PCDH15: variants seen among roughly 807,000 people sequenced by gnomAD.
PCDH15 encodes protocadherin related 15.
In PCDH15, 129 loss-of-function variants were observed where a neutral mutation model predicts 178.5. The observed-to-expected ratio is 0.72, with a 90% CI of 0.63 to 0.84. The LOEUF is 0.84. PCDH15 is among the 40% of genes least tolerant of loss of function. PCDH15 has a pLI of 0.00. For missense variants in PCDH15, 2,230 were observed against 2,099.9 expected (o/e 1.06, Z -1.21); for synonymous variants, 800 against 732.0 (o/e 1.09, Z -1.50).
chr10:54,178,375 T>C (rs1300152059), intron 13 of PCDH15, among the ~76,000 whole-genome samples: 2 of 152,026 alleles, frequency 1.3e-5, no homozygotes, highest in African/African-American at 4.8e-5. Flanking sequence ...ATAAGGAAAA[T>C]AATCAGAGTG....
chr10:54,979,919 T>C (rs924540276), intron 2 of PCDH15, among the ~76,000 whole-genome samples: 15 of 152,096 alleles, frequency 9.9e-5, no homozygotes, highest in Non-Finnish European at 1.8e-4. Context: ...ATATATAAAA[T>C]TGTAGAATTG....
At chr10:55,412,400 C>T (rs1838360311) in intron 2 of PCDH15, among the ~76,000 whole-genome samples, 1 of 151,868 alleles carries the variant, frequency 6.6e-6, no homozygotes, top group African/African-American at 2.4e-5. Flanking sequence ...AGAAACTGTA[C>T]CTAGAATGCT....
At chr10:54,922,202 A>G (rs975747449) in intron 2 of PCDH15, among the ~76,000 whole-genome samples, 1 of 152,070 alleles carries the variant, frequency 6.6e-6, no homozygotes, top group East Asian at 2.0e-4. Context: ...AGTCCCCCAA[A>G]GTCTTGACTC....
chr10:54,095,694 G>C (rs919155237), intron 15 of PCDH15, among the ~76,000 whole-genome samples: 1 of 152,070 alleles, frequency 6.6e-6, no homozygotes, highest in Admixed American at 6.5e-5. Flanking sequence ...ATTTGGAAGT[G>C]AGCATAAATT....
At chr10:54,540,380 C>A (rs2085076192) in intron 2 of PCDH15, among the ~76,000 whole-genome samples, 1 of 152,116 alleles carries the variant, frequency 6.6e-6, no homozygotes, top group South Asian at 2.1e-4. Flanking sequence ...ATTATCAACA[C>A]CTGTGTTCAC....
intron 2 of PCDH15, among the ~76,000 whole-genome samples, chr10:55,582,628 A>ATATATATATATATATAT: frequency 1.4e-5 from 1 of 69,032 alleles, no homozygotes; most frequent in African/African-American, 6.6e-5. Context: ...ATATATATAT[A>ATATATATATATATATAT]TTTTTTTTTT....
Position 54,340,496 on chromosome 10 carries a change from C to T in PCDH15, c.594+5869G>A, listed in dbSNP as rs139309573. Among the ~76,000 whole-genome samples, 822 of 152,194 alleles carry T rather than the reference C, an allele frequency of 5.4e-3. 3 individuals are homozygous for T. The highest frequency in any genetic ancestry group is 0.014 in the African/African-American group (599 of 41,516). On this transcript the variant is annotated intron_variant, in intron 6 of 37. Transcript: ENST00000644397. The stretch of plus-strand genomic sequence containing the variant: ...AGTGCTTTTGTTAACAGCAGTGAAT[C>T]CATATGGGTCTGCAGCAACTCGGTC...
At chr10:55,257,649 G>A (rs1193477840) in intron 1 of PCDH15, among the ~76,000 whole-genome samples, 1 of 152,264 alleles carries the variant, frequency 6.6e-6, no homozygotes, top group South Asian at 2.1e-4. Flanking sequence ...TGAATGAAAT[G>A]AAGTGAGAAG....
chr10:53,872,493 C>T (rs2079940048), intron 26 of PCDH15, among the ~76,000 whole-genome samples: 1 of 152,146 alleles, frequency 6.6e-6, no homozygotes, highest in Non-Finnish European at 1.5e-5. Flanking sequence ...TCCCTTTCTG[C>T]TTTATCATAG....
intron 26 of PCDH15, among the ~76,000 whole-genome samples, chr10:53,894,077 T>G (rs2081778185): frequency 1.3e-5 from 2 of 152,112 alleles, no homozygotes; most frequent in African/African-American, 4.8e-5. Context: ...TAAATAAAAT[T>G]TTAAACAAAC....
intron 2 of PCDH15, among the ~76,000 whole-genome samples, chr10:54,592,678 A>C (rs1365842174): frequency 1.3e-5 from 2 of 152,134 alleles, no homozygotes; most frequent in Non-Finnish European, 1.5e-5. Flanking sequence ...ATCGATTCAA[A>C]ATTATTTTAT....
chr10:55,538,515 T>C (rs2132072334), intron 2 of PCDH15, among the ~76,000 whole-genome samples: 1 of 130,672 alleles, frequency 7.7e-6, no homozygotes, highest in African/African-American at 2.7e-5. Flanking sequence ...CCTTCTTTCC[T>C]TCCTTCCTCC....
At chr10:55,017,712 C>G (rs994975592) in intron 2 of PCDH15, among the ~76,000 whole-genome samples, 7 of 151,886 alleles carry the variant, frequency 4.6e-5, no homozygotes, top group Non-Finnish European at 1.0e-4. Flanking sequence ...GTGGCTACAA[C>G]ATGTAAACTT....
At chr10:54,261,697 A>T (rs112894744) in intron 8 of PCDH15, among the ~76,000 whole-genome samples, 4 of 151,100 alleles carry the variant, frequency 2.6e-5, no homozygotes, top group Admixed American at 6.6e-5. Flanking sequence ...TTTATAATAT[A>T]AAGAATTGAA....
At chr10:55,406,044 T>A (rs564973163) in intron 2 of PCDH15, among the ~76,000 whole-genome samples, 2 of 146,076 alleles carry the variant, frequency 1.4e-5, no homozygotes, top group South Asian at 4.3e-4. Flanking sequence ...CATGTGGCTA[T>A]CTAGTTGGCA....
chr10:54,849,078 T>C (rs1953564052), intron 3 of PCDH15, among the ~76,000 whole-genome samples: 1 of 152,246 alleles, frequency 6.6e-6, no homozygotes, highest in African/African-American at 2.4e-5. Context: ...TTTGCTAAAT[T>C]ACGTGTTTCC....
intron 8 of PCDH15, among the ~76,000 whole-genome samples, chr10:54,310,902 T>TA (rs1331438959): frequency 2.6e-5 from 4 of 151,986 alleles, no homozygotes; most frequent in Admixed American, 1.3e-4. Flanking sequence ...GGTACTTCCA[T>TA]AAAAAAGCAA....
intron 6 of PCDH15, among the ~76,000 whole-genome samples, chr10:54,341,780 G>C (rs2134086737): frequency 6.6e-6 from 1 of 152,284 alleles, no homozygotes; most frequent in South Asian, 2.1e-4. Flanking sequence ...CTCAGATGGA[G>C]GTGAGGAACT....
Position 54,596,564 on chromosome 10 carries a change from C to A in PCDH15, c.91+67608G>T, listed in dbSNP as rs183937124. ...AACCAAACAAGTCAGCATAATAAGT[C>A]GACAGCAACAGGATAACAAGATCAA... On this transcript the variant is annotated intron_variant, in intron 2 of 37. Coordinates refer to ENST00000644397, the MANE Select transcript of PCDH15 (RefSeq NM_001384140.1). Among the ~76,000 whole-genome samples the A allele has an allele frequency of 2.6e-5, 4 of 152,094 alleles. No homozygotes were observed. In the East Asian group the frequency reaches 7.7e-4, roughly 29 times the overall value.
Sources: gnomAD v4.1 joint callset for allele counts (sites outside exome capture counted in the v4.1 genomes callset) on GRCh38, gnomAD v4.1.1 for gene constraint, MANE v1.5 for transcripts, NCBI Gene and HGNC (gene_info 2026-07-23, HGNC 2026-07-21) for gene names.